UNK: variants seen among roughly 807,000 people sequenced by gnomAD.
UNK encodes unk zinc finger, also known as RING finger protein unkempt homolog.
In UNK, 32 loss-of-function variants were observed where a neutral mutation model predicts 97.6. That is an observed-to-expected ratio of 0.33 (90% CI 0.25 to 0.44). The LOEUF (loss-of-function observed/expected upper bound fraction) is 0.44, where lower values mean the gene tolerates loss of function less well. Ranked by LOEUF, UNK falls within the 20% of genes least tolerant of loss-of-function variation. The probability of loss-of-function intolerance (pLI) is 1.00; values close to 1 mark genes in which losing one functional copy is unlikely to be tolerated. For missense variants in UNK, 771 were observed against 1,098.4 expected, an observed-to-expected ratio of 0.70 and a Z score of 4.21; for synonymous variants, 441 against 461.2, an observed-to-expected ratio of 0.96 and a Z score of 0.56.
rs1212680036 is a variant in UNK, at chr17:75,816,654, G to A, written c.962-116G>A. 2 of 1,312,068 alleles carry A rather than the reference G, an allele frequency of 1.5e-6. No homozygotes were observed. Among genetic ancestry groups the A allele is most frequent in the South Asian group, 1.6e-5 (1 of 64,064 alleles). 81.3% of individuals were successfully genotyped at this position (1,312,068 alleles called of 1,614,324 possible). A position where few individuals can be genotyped will look rare whatever the true frequency, so the allele number is the denominator to read the frequency against. On this transcript the variant is annotated intron_variant, in intron 7 of 15. Coordinates refer to ENST00000589666, the MANE Select transcript of UNK (RefSeq NM_001080419.3). The surrounding 1 kb of genome is among the most constrained non-coding windows in gnomAD (Gnocchi z 4.0). ...CATGGTGTTACTAGAGATGTCGTAG[G>A]AACCTTCCCTTTATGTGCAGGGGGA...
intron 1 of UNK, among the ~76,000 whole-genome samples, chr17:75,795,829 C>G (rs1356163291): frequency 6.6e-6 from 1 of 152,206 alleles, no homozygotes; most frequent in Non-Finnish European, 1.5e-5. Flanking sequence ...CATGGACACA[C>G]AGGACTAATT....
At chr17:75,821,433 C>T (rs1192200902) in intron 13 of UNK, 4 of 451,428 alleles carry the variant, frequency 8.9e-6, no homozygotes, top group Admixed American at 2.4e-5. Context: ...GAGAGCTTCT[C>T]CAAGGGAGGA....
At chr17:75,814,692 T>TC (rs1320203997) in intron 6 of UNK, among the ~76,000 whole-genome samples, 1 of 152,110 alleles carries the variant, frequency 6.6e-6, no homozygotes, top group Non-Finnish European at 1.5e-5. Flanking sequence ...CCCTTGGTGT[T>TC]CCATGGAAGC....
In UNK at chr17:75,784,864, G is replaced by A. The variant is rs765746694; in HGVS notation, c.-17G>A. ...AATAATAAAAGGGGAGCGGCGAAGA[G>A]GCAGGAAGACAAGACCATGTCGAAG... On this transcript the variant is annotated 5_prime_UTR_variant, in exon 1 of 16. Coordinates refer to ENST00000589666, the MANE Select transcript of UNK (RefSeq NM_001080419.3). The A allele has an allele frequency of 2.5e-6, 4 of 1,603,692 alleles. No individual in the cohort carries two copies. Among genetic ancestry groups the A allele is most frequent in the Non-Finnish European group, 3.4e-6 (4 of 1,175,390 alleles).
At chr17:75,786,471 T>A (rs968001850) in intron 1 of UNK, among the ~76,000 whole-genome samples, 3 of 152,200 alleles carry the variant, frequency 2.0e-5, no homozygotes, top group African/African-American at 7.2e-5. Flanking sequence ...TAGAAAGGCT[T>A]TCTTATTTTG....
chr17:75,809,398 G>A (rs1407456849), intron 1 of UNK, among the ~76,000 whole-genome samples: 1 of 152,234 alleles, frequency 6.6e-6, no homozygotes, highest in East Asian at 1.9e-4. Context: ...TGGCAGAGGC[G>A]CCTCATGCTC....
intron 1 of UNK, among the ~76,000 whole-genome samples, chr17:75,805,810 A>ATGTGCGTG (rs2061908014): frequency 6.9e-6 from 1 of 145,294 alleles, no homozygotes; most frequent in South Asian, 2.2e-4. Context: ...AAAAAGAAAA[A>ATGTGCGTG]TGTGTGTGTG....
chr17:75,806,956 ACTGT>A (rs1357190678), intron 1 of UNK, among the ~76,000 whole-genome samples: 2 of 152,318 alleles, frequency 1.3e-5, no homozygotes, highest in East Asian at 1.9e-4. Context: ...TCTGTAGCTC[ACTGT>A]CTGTCCTGAT....
chr17:75,806,147 T>C (rs1243165314), intron 1 of UNK, among the ~76,000 whole-genome samples: 1 of 150,374 alleles, frequency 6.7e-6, no homozygotes, highest in African/African-American at 2.4e-5. Context: ...ATATTTACCA[T>C]CTGGTCCTTT....
chr17:75,824,194 A>T lies in UNK; in HGVS notation c.2278-68A>T. 2.0e-6 allele frequency: 3 copies of T among 1,473,866 alleles called. No homozygotes were observed. Among genetic ancestry groups the T allele is most frequent in the Middle Eastern group, 3.6e-4 (2 of 5,600 alleles). The allele number at this position is 1,473,866 out of a possible 1,614,324, so 91.3% of individuals were successfully genotyped here. On this transcript the variant is annotated intron_variant, in intron 15 of 15. Transcript: ENST00000589666. The surrounding 1 kb of genome is among the most constrained non-coding windows in gnomAD (Gnocchi z 4.9). Reference sequence around the variant, plus strand: ...ATCCCAAGGGGCTGCAGTGAGGATCAAGGGAACTCCTCGCTCAACTTGGGG... The same window carrying T: ...ATCCCAAGGGGCTGCAGTGAGGATCTAGGGAACTCCTCGCTCAACTTGGGG...
chr17:75,809,510 A>G (rs2061949038), intron 1 of UNK, among the ~76,000 whole-genome samples: 1 of 152,224 alleles, frequency 6.6e-6, no homozygotes, highest in African/African-American at 2.4e-5. Flanking sequence ...TGGTCAACAC[A>G]GCGGACAGCT....
chr17:75,794,909 G>A (rs1019919534), intron 1 of UNK, among the ~76,000 whole-genome samples: 4 of 152,186 alleles, frequency 2.6e-5, no homozygotes, highest in East Asian at 3.9e-4. Context: ...ACTGTTCTCC[G>A]CCATTATTTG....
chr17:75,792,437 A>C, intron 1 of UNK: 3 of 985,408 alleles, frequency 3.0e-6, no homozygotes, highest in Non-Finnish European at 3.6e-6. Context: ...TCTTGGATGA[A>C]TTTGGGTCAC....
intron 1 of UNK, among the ~76,000 whole-genome samples, chr17:75,804,016 T>C (rs150178541): frequency 5.4e-4 from 82 of 152,376 alleles, no homozygotes; most frequent in Non-Finnish European, 7.1e-4. Flanking sequence ...ATATGTCATG[T>C]TAAACTGCCT....
chr17:75,800,263 G>A (rs1020418303), intron 1 of UNK, among the ~76,000 whole-genome samples: 7 of 151,940 alleles, frequency 4.6e-5, no homozygotes, highest in Non-Finnish European at 1.0e-4. Flanking sequence ...TAGAGACAGC[G>A]TTTTGCCACA....
At chr17:75,820,560 T>C (rs2062058017) in intron 13 of UNK, among the ~76,000 whole-genome samples, 1 of 152,034 alleles carries the variant, frequency 6.6e-6, no homozygotes, top group Admixed American at 6.5e-5. Context: ...TGGCTTCGGG[T>C]GCCCTTCCTG....
At chr17:75,785,859 A>G (rs1446119935) in intron 1 of UNK, 1 of 151,926 alleles carries the variant, frequency 6.6e-6, no homozygotes, top group Non-Finnish European at 1.5e-5. Context: ...ATGCTCTGTG[A>G]ATGCCTCTCA....
At chr17:75,791,920 G>T (rs1599358606) in intron 1 of UNK, 1 of 985,366 alleles carries the variant, frequency 1.0e-6, no homozygotes, top group Non-Finnish European at 1.2e-6. Context: ...CTATAAAGGA[G>T]CTCCTTCTCT....
chr17:75,820,508 G>C (rs2062057499), intron 13 of UNK, among the ~76,000 whole-genome samples: 1 of 152,176 alleles, frequency 6.6e-6, no homozygotes, highest in South Asian at 2.1e-4. Context: ...GCACCAGCCA[G>C]GTTCACAGGG....
Sources: allele counts gnomAD v4.1 joint callset (sites outside exome capture counted in the v4.1 genomes callset), GRCh38; gene constraint gnomAD v4.1.1; non-coding constraint Gnocchi (gnomAD v3.1); transcripts MANE v1.5; gene names NCBI Gene and HGNC (gene_info 2026-07-23, HGNC 2026-07-21).